The following LRP2 variants were observed in gnomAD, a reference collection of about 807,000 sequenced individuals.
The protein encoded by LRP2 is low-density lipoprotein receptor-related protein 2.
LRP2 carries 172 observed loss-of-function variants against 531.0 expected under a neutral mutation model. The observed-to-expected ratio is 0.32, with a 90% CI of 0.29 to 0.37. LRP2 has a LOEUF of 0.37. Among genes scored for constraint, LRP2 ranks in the 10% least tolerant of loss-of-function variants. The probability of loss-of-function intolerance (pLI) is 1.00; values close to 1 mark genes in which losing one functional copy is unlikely to be tolerated. For synonymous variants in LRP2, 1,992 were observed against 2,027.6 expected (o/e 0.98, Z 0.47); for missense variants, 5,167 against 5,868.3 (o/e 0.88, Z 3.90).
intron 61 of LRP2, among the ~76,000 whole-genome samples, chr2:169,167,053 A>G (rs1686812842): frequency 6.6e-6 from 1 of 152,208 alleles, no homozygotes; most frequent in Non-Finnish European, 1.5e-5. Context: ...CAATATTATA[A>G]AACAGTATTG....
chr2:169,194,937 T>C (rs58687448), intron 46 of LRP2, among the ~76,000 whole-genome samples: 38,319 of 151,218 alleles, frequency 0.25, 5,284 homozygotes, highest in East Asian at 0.54. Context: ...TCTCGATCTC[T>C]TGACCTTGTG....
rs1188074572 is a variant in LRP2 at position 169,128,370 on chromosome 2, C to A, written c.*293G>T. The A allele has an allele frequency of 3.7e-6, 1 of 268,700 alleles. No individual in the cohort carries two copies. Among genetic ancestry groups the A allele is most frequent in the South Asian group, 4.3e-5 (1 of 23,072 alleles). The allele number at this position is 268,700 out of a possible 1,614,324, so 16.6% of individuals were successfully genotyped here. A position where few individuals can be genotyped will look rare whatever the true frequency, so the allele number is the denominator to read the frequency against. The stretch of plus-strand genomic sequence containing the variant: ...CCAAATCAGCAGACATCTTTATTAG[C>A]AAATTCAGTAACAGGATAATCTTTC... On this transcript the variant is annotated 3_prime_UTR_variant, in exon 79 of 79. Coordinates refer to ENST00000649046, the MANE Select transcript of LRP2 (RefSeq NM_004525.3).
chr2:169,187,232 T>G, intron 49 of LRP2, among the ~76,000 whole-genome samples: 1 of 152,206 alleles, frequency 6.6e-6, no homozygotes, highest in East Asian at 1.9e-4. Context: ...CTGTCTAGCA[T>G]TTAATTTTAA....
chr2:169,224,739 C>G (rs970733569), intron 33 of LRP2, among the ~76,000 whole-genome samples: 1 of 152,110 alleles, frequency 6.6e-6, no homozygotes, highest in Admixed American at 6.6e-5. Flanking sequence ...TTTATAGCAA[C>G]AAGGTAGTAT....
chr2:169,213,198 T>C (rs1268573574), intron 36 of LRP2, among the ~76,000 whole-genome samples: 1 of 152,152 alleles, frequency 6.6e-6, no homozygotes, highest in African/African-American at 2.4e-5. Flanking sequence ...TTTTTAAGAC[T>C]AAAAATTCCA....
intron 53 of LRP2, among the ~76,000 whole-genome samples, chr2:169,177,211 T>C (rs1446867851): frequency 6.6e-6 from 1 of 152,202 alleles, no homozygotes; most frequent in Non-Finnish European, 1.5e-5. Context: ...CAAAAACCAG[T>C]CTATCCCCAA....
Position 169,198,874 on chromosome 2 carries a change from A to G in LRP2, c.8490T>C (p.His2830=). The G allele has an allele frequency of 6.2e-7, 1 of 1,613,924 alleles. No homozygotes were observed. The highest frequency in any genetic ancestry group is 1.1e-5 in the South Asian group (1 of 91,074). The stretch of plus-strand genomic sequence containing the variant: ...CGCGAGGAATACAAATATTTGAATT[A>G]TGACATTTTGTGTATCCAGACTGGC... ...RTCQSGYTKC[H]NSNICIPRVY... Residue 2830 remains histidine (H), a synonymous_variant, in exon 45 of 79, where the codon CAT becomes CAC. Transcript: ENST00000649046.
chr2:169,264,272 A>T (rs1002119224), intron 16 of LRP2, among the ~76,000 whole-genome samples: 2 of 151,878 alleles, frequency 1.3e-5, no homozygotes, highest in African/African-American at 4.8e-5. Context: ...AAATAAAAAA[A>T]TTAAAAAAAG....
chr2:169,273,631 A>G (rs2105441658), intron 14 of LRP2, among the ~76,000 whole-genome samples: 1 of 152,310 alleles, frequency 6.6e-6, no homozygotes, highest in Non-Finnish European at 1.5e-5. Context: ...TGTCTGCAAC[A>G]CAAACCAGTT....
chr2:169,221,714 C>CCTT (rs34715611), intron 33 of LRP2, among the ~76,000 whole-genome samples: 83,839 of 151,716 alleles, frequency 0.55, 24,296 homozygotes, highest in South Asian at 0.76. Flanking sequence ...ACACATATAT[C>CCTT]CTTCTTTCCC....
intron 44 of LRP2, 47 bp from the exon 45 acceptor site, chr2:169,198,958 A>T (rs1404003774): frequency 1.1e-5 from 18 of 1,593,364 alleles, no homozygotes; most frequent in Non-Finnish European, 1.4e-5. Context: ...TCCACCAAAT[A>T]TGTATTATGA....
At chr2:169,222,019 C>G (rs143564771) in intron 33 of LRP2, among the ~76,000 whole-genome samples, 2 of 152,134 alleles carry the variant, frequency 1.3e-5, no homozygotes, top group Non-Finnish European at 2.9e-5. Context: ...CAATGTTTCT[C>G]TTATTTTCAA....
chr2:169,209,073 T>C (rs773958629), intron 38 of LRP2, among the ~76,000 whole-genome samples: 3 of 152,180 alleles, frequency 2.0e-5, no homozygotes, highest in Non-Finnish European at 4.4e-5. Flanking sequence ...TCAAAGCAAA[T>C]GAATGCTGTT....
At chr2:169,341,111 G>C (rs988046180) in intron 1 of LRP2, among the ~76,000 whole-genome samples, 1 of 152,148 alleles carries the variant, frequency 6.6e-6, no homozygotes. Flanking sequence ...ATCAAGAAAG[G>C]TCCTGTAGAG....
At chr2:169,227,924 A>C (rs1424033816) in intron 31 of LRP2, among the ~76,000 whole-genome samples, 1 of 152,182 alleles carries the variant, frequency 6.6e-6, no homozygotes, top group Admixed American at 6.6e-5. Context: ...CTTCTGCAGG[A>C]AACAGTAATA....
intron 58 of LRP2, among the ~76,000 whole-genome samples, chr2:169,171,172 A>G (rs1274712813): frequency 6.6e-6 from 1 of 152,146 alleles, no homozygotes; most frequent in Non-Finnish European, 1.5e-5. Flanking sequence ...ACCCTTTTGT[A>G]TAAGTTTTTA....
intron 1 of LRP2, among the ~76,000 whole-genome samples, chr2:169,334,515 A>G (rs891317263): frequency 3.9e-5 from 6 of 152,210 alleles, no homozygotes; most frequent in Non-Finnish European, 5.9e-5. Flanking sequence ...ATCCATAGGC[A>G]TTATAATAAT....
In LRP2 at chr2:169,128,843, T is replaced by C. The variant is rs2105322236; in HGVS notation, c.13801-13A>G. ...GCTCGTTCTCCATCTAAGAATACAA[T>C]GTAACAGGAATCAGCCATTTATTCC... On this transcript the variant is annotated splice_polypyrimidine_tract_variant and intron_variant, in intron 78 of 78. Transcript: ENST00000649046. The C allele has an allele frequency of 6.2e-7, 1 of 1,614,018 alleles. No homozygotes were observed. Among genetic ancestry groups the C allele is most frequent in the Middle Eastern group, 1.7e-4 (1 of 6,060 alleles).
intron 4 of LRP2, 131 bp from the exon 5 acceptor site, chr2:169,294,841 G>C: frequency 1.5e-6 from 1 of 660,458 alleles, no homozygotes; most frequent in Admixed American, 2.6e-5. Flanking sequence ...ATACACAAAA[G>C]AAGTATGCTC....
Sources: allele counts gnomAD v4.1 joint callset (sites outside exome capture counted in the v4.1 genomes callset), GRCh38; gene constraint gnomAD v4.1.1; transcripts MANE v1.5; gene names NCBI Gene and HGNC (gene_info 2026-07-23, HGNC 2026-07-21).